The following FBXO10 variants were observed in gnomAD, a reference collection of about 807,000 sequenced individuals.
The protein encoded by FBXO10 is F-box only protein 10.
A neutral mutation model predicts 80.7 loss-of-function variants in FBXO10; 39 were observed. That is an observed-to-expected ratio of 0.48 (90% CI 0.37 to 0.63). FBXO10 has a LOEUF of 0.63. FBXO10 is among the 30% of genes least tolerant of loss of function. The probability of loss-of-function intolerance (pLI) is 0.00; values close to 1 mark genes in which losing one functional copy is unlikely to be tolerated. For synonymous variants in FBXO10, 449 were observed against 489.6 expected, an observed-to-expected ratio of 0.92 and a Z score of 1.09; for missense variants, 1,025 against 1,269.0, an observed-to-expected ratio of 0.81 and a Z score of 2.92.
rs1388520879 is a variant in FBXO10 at position 37,541,104 on chromosome 9, A to T, written c.585+80T>A. 3.2e-6 allele frequency: 4 copies of T among 1,269,654 alleles called. No individual in the cohort carries two copies. The East Asian group carries it at 9.3e-5, about 30-fold the overall frequency. The allele number at this position is 1,269,654 out of a possible 1,614,324, so 78.6% of individuals were successfully genotyped here. A position where few individuals can be genotyped will look rare whatever the true frequency, so the allele number is the denominator to read the frequency against. On this transcript the variant is annotated intron_variant, in intron 2 of 10. Coordinates refer to ENST00000432825, the MANE Select transcript of FBXO10 (RefSeq NM_012166.3). ...CTCTTAACTTTCAATTCCAACAAAA[A>T]AAGGGATTAAAAGCCCAGAAAAGAG...
chr9:37,549,656 A>G (rs1179265987), intron 1 of FBXO10, among the ~76,000 whole-genome samples: 3 of 151,982 alleles, frequency 2.0e-5, no homozygotes, highest in African/African-American at 7.3e-5. Context: ...TTTACAATTT[A>G]TTTGTTGAAA....
chr9:37,540,345 G>GC (rs1208384990), intron 2 of FBXO10, among the ~76,000 whole-genome samples: 1 of 151,886 alleles, frequency 6.6e-6, no homozygotes. Context: ...CTGCCACCAT[G>GC]CCCCGCTGAT....
intron 1 of FBXO10, among the ~76,000 whole-genome samples, chr9:37,554,225 C>G (rs1463581511): frequency 6.6e-6 from 1 of 152,182 alleles, no homozygotes; most frequent in Non-Finnish European, 1.5e-5. Context: ...TCTCAATTCT[C>G]CCTCCTCTCT....
chr9:37,569,178 T>C (rs1384983265), intron 1 of FBXO10, among the ~76,000 whole-genome samples: 1 of 151,734 alleles, frequency 6.6e-6, no homozygotes, highest in Admixed American at 6.6e-5. Context: ...TAAAACACAG[T>C]TACAGAAAAG....
chr9:37,534,159 A>C (rs1382384115), intron 3 of FBXO10, among the ~76,000 whole-genome samples: 1 of 151,998 alleles, frequency 6.6e-6, no homozygotes, highest in Non-Finnish European at 1.5e-5. Flanking sequence ...TTATAGATTA[A>C]TAATAAAATA....
chr9:37,519,067 G>A (rs370040716), intron 8 of FBXO10, among the ~76,000 whole-genome samples: 1 of 152,042 alleles, frequency 6.6e-6, no homozygotes, highest in Non-Finnish European at 1.5e-5. Context: ...CCGCCACCAC[G>A]CCCGGCTAAT....
At chr9:37,513,948 G>A (rs1397915194) in intron 10 of FBXO10, among the ~76,000 whole-genome samples, 1 of 152,188 alleles carries the variant, frequency 6.6e-6, no homozygotes, top group Non-Finnish European at 1.5e-5. Context: ...AGAAGTTGGT[G>A]GGTTTCCAGT....
rs1179407698 is a variant in FBXO10 at position 37,522,841 on chromosome 9, T to C, written c.1914A>G (p.Glu638=). 9.7e-6 allele frequency: 15 copies of C among 1,552,150 alleles called. No homozygotes were observed. In the Admixed American group the frequency reaches 2.9e-4, roughly 30 times the overall value. Residue 638 remains glutamate, a synonymous_variant, in exon 7 of 11, where the codon GAA becomes GAG. Coordinates refer to ENST00000432825, the MANE Select transcript of FBXO10 (RefSeq NM_012166.3). ...GCTCCTCACCGTAGATGGTATTTCC[T>C]TCTATGAGGCCTTTGCCTTCGTCTC... ...VVGDEGKGLI[E]GNTIYANKGC... is the part of the protein sequence containing the mutation.
chr9:37,541,298 C>T lies in FBXO10; in HGVS notation c.471G>A (p.Gly157=). 1.2e-6 allele frequency: 2 copies of T among 1,613,996 alleles called. No homozygotes were observed. The highest frequency in any genetic ancestry group is 1.7e-6 in the Non-Finnish European group (2 of 1,179,882). Residue 157 remains glycine, a synonymous_variant, in exon 2 of 11, where the codon GGG becomes GGA. Transcript: ENST00000432825. ...IILKVPVEIV[G]QGKLGEVALL... is the part of the protein sequence containing the mutation. ...GGGCCACTTCACCCAACTTCCCCTG[C>T]CCTACAATCTCCACAGGCACCTTCA...
chr9:37,514,748 C>T (rs540635929), intron 10 of FBXO10, among the ~76,000 whole-genome samples: 162 of 152,068 alleles, frequency 1.1e-3, no homozygotes, highest in African/African-American at 3.3e-3. Context: ...GCAGGAGGAT[C>T]GCTTGAATCT....
intron 1 of FBXO10, among the ~76,000 whole-genome samples, chr9:37,547,677 G>A (rs1822091056): frequency 6.6e-6 from 1 of 152,152 alleles, no homozygotes; most frequent in South Asian, 2.1e-4. Context: ...ACAGTGCTTA[G>A]GCCAGGCACA....
chr9:37,549,709 G>T (rs577548772), intron 1 of FBXO10, among the ~76,000 whole-genome samples: 1 of 152,184 alleles, frequency 6.6e-6, no homozygotes, highest in East Asian at 1.9e-4. Context: ...TCTCAATTTT[G>T]CTGACTGCAT....
chr9:37,537,950 A>G lies in FBXO10; in HGVS notation c.586-7T>C. ...GGACGTGACCTGATGTTGTCTGGGG[A>G]ATGAAAAGAAGAAAACGGCTGTAAG... On this transcript the variant is annotated splice_polypyrimidine_tract_variant and splice_region_variant and intron_variant, in intron 2 of 10. Coordinates refer to ENST00000432825, the MANE Select transcript of FBXO10 (RefSeq NM_012166.3). The G allele has an allele frequency of 1.2e-6, 2 of 1,609,524 alleles. No individual in the cohort carries two copies. Among genetic ancestry groups the G allele is most frequent in the Non-Finnish European group, 1.7e-6 (2 of 1,176,676 alleles).
intron 1 of FBXO10, among the ~76,000 whole-genome samples, chr9:37,561,173 C>CAT (rs764102906): frequency 1.8e-4 from 24 of 129,816 alleles, no homozygotes; most frequent in African/African-American, 7.2e-4. Flanking sequence ...ACAAAATCAA[C>CAT]TTTTTTTTTT....
intron 4 of FBXO10, among the ~76,000 whole-genome samples, chr9:37,529,837 C>CTT (rs34740759): frequency 0.027 from 3,865 of 140,748 alleles, 181 homozygotes; most frequent in African/African-American, 0.091. Flanking sequence ...CAAGAGATAT[C>CTT]TTTTTTTTTT....
intron 1 of FBXO10, among the ~76,000 whole-genome samples, chr9:37,560,814 G>A (rs1822459978): frequency 6.6e-6 from 1 of 152,084 alleles, no homozygotes. Flanking sequence ...ATGGCCTGAA[G>A]TAGGCCCCAA....
chr9:37,543,881 G>C (rs529084265), intron 1 of FBXO10, among the ~76,000 whole-genome samples: 2 of 152,328 alleles, frequency 1.3e-5, no homozygotes, highest in East Asian at 3.9e-4. Flanking sequence ...TGTAATCCCA[G>C]CACTTTGGGA....
At chr9:37,517,595 A>G (rs1588820843) in intron 9 of FBXO10, among the ~76,000 whole-genome samples, 1 of 110,212 alleles carries the variant, frequency 9.1e-6, no homozygotes. Flanking sequence ...TAGACAAGAG[A>G]TAACTCAAAC....
chr9:37,564,376 C>T (rs935738149), intron 1 of FBXO10, among the ~76,000 whole-genome samples: 5 of 152,196 alleles, frequency 3.3e-5, no homozygotes, highest in Non-Finnish European at 5.9e-5. Context: ...CACACAGAGT[C>T]TCCACGGGGG....
Sources: gnomAD v4.1 joint callset for allele counts (sites outside exome capture counted in the v4.1 genomes callset) on GRCh38, gnomAD v4.1.1 for gene constraint, MANE v1.5 for transcripts, NCBI Gene and HGNC (gene_info 2026-07-23, HGNC 2026-07-21) for gene names.